SLIT2: variants seen among roughly 807,000 people sequenced by gnomAD.
SLIT2 encodes slit homolog 2 protein.
A neutral mutation model predicts 185.7 loss-of-function variants in SLIT2; 41 were observed. That is an observed-to-expected ratio of 0.22 (90% CI 0.17 to 0.29). The LOEUF (loss-of-function observed/expected upper bound fraction) is 0.29, where lower values mean the gene tolerates loss of function less well. SLIT2 is among the 10% of genes least tolerant of loss of function. The pLI, the probability that SLIT2 is intolerant of heterozygous loss-of-function variation, is 1.00. For synonymous variants in SLIT2, 693 were observed against 680.2 expected (o/e 1.02, Z -0.29); for missense variants, 1,571 against 1,909.0 (o/e 0.82, Z 3.30).
At chr4:20,366,769 A>G (rs1723147828) in intron 4 of SLIT2, among the ~76,000 whole-genome samples, 2 of 152,068 alleles carry the variant, frequency 1.3e-5, no homozygotes, top group South Asian at 4.2e-4. Context: ...AGATCATGCA[A>G]TAATATTTTA....
At chr4:20,464,657 A>G (rs1025195922) in intron 4 of SLIT2, among the ~76,000 whole-genome samples, 3 of 152,208 alleles carry the variant, frequency 2.0e-5, no homozygotes, top group Admixed American at 1.3e-4. Flanking sequence ...TCCACTGCAT[A>G]CGTTGTACCC....
intron 11 of SLIT2, among the ~76,000 whole-genome samples, chr4:20,516,402 A>G (rs1456726557): frequency 6.6e-6 from 1 of 152,190 alleles, no homozygotes; most frequent in Non-Finnish European, 1.5e-5. Context: ...GTCATGTATA[A>G]GAAACTGTAG....
intron 4 of SLIT2, among the ~76,000 whole-genome samples, chr4:20,385,966 A>G (rs999301064): frequency 6.6e-6 from 1 of 152,204 alleles, no homozygotes; most frequent in East Asian, 1.9e-4. Context: ...TTAGTAAAAT[A>G]TAACTTATCT....
At chr4:20,381,075 G>A (rs941400625) in intron 4 of SLIT2, among the ~76,000 whole-genome samples, 2 of 151,968 alleles carry the variant, frequency 1.3e-5, no homozygotes, top group African/African-American at 4.8e-5. Flanking sequence ...CCAACATGGC[G>A]AAACCCCGTC....
chr4:20,612,113 C>T (rs1271425342), intron 34 of SLIT2, among the ~76,000 whole-genome samples: 1 of 151,630 alleles, frequency 6.6e-6, no homozygotes, highest in African/African-American at 2.4e-5. Flanking sequence ...CATGGTGGCT[C>T]ACACCCATAA....
intron 4 of SLIT2, among the ~76,000 whole-genome samples, chr4:20,348,885 A>G (rs552216441): frequency 3.9e-5 from 6 of 152,318 alleles, no homozygotes; most frequent in African/African-American, 1.4e-4. Flanking sequence ...GAGAAGCCTC[A>G]TTGCATTTGT....
At chr4:20,399,516 C>T (rs1039854876) in intron 4 of SLIT2, among the ~76,000 whole-genome samples, 7 of 151,724 alleles carry the variant, frequency 4.6e-5, no homozygotes, top group African/African-American at 1.4e-4. Context: ...GTAAAGTGAT[C>T]GGAATAATAA....
chr4:20,548,522 A>G lies in SLIT2; in HGVS notation c.2380A>G (p.Asn794Asp), dbSNP rs772086861. ...LSNNRISTLSNQSFSNMTQLL... is the reference protein window; with the variant it reads ...LSNNRISTLSDQSFSNMTQLL... ...TAACAACAGAATAAGCACGCTTTCT[A>G]ATCAGAGCTTCAGCAACATGACCCA... Residue 794 changes from asparagine to aspartate, a missense_variant, in exon 23 of 37, where the codon AAT becomes GAT. Around this residue, in one of 3 missense-constraint regions of SLIT2, gnomAD observed 1,202 missense variants for 1,416.4 expected, o/e 0.85. Coordinates refer to ENST00000504154, the MANE Select transcript of SLIT2 (RefSeq NM_004787.4). 2.5e-6 allele frequency: 4 copies of G among 1,607,700 alleles called. No individual in the cohort carries two copies. The highest frequency in any genetic ancestry group is 1.3e-5 in the African/African-American group (1 of 74,880).
chr4:20,477,713 G>T (rs918220915), intron 5 of SLIT2, among the ~76,000 whole-genome samples: 10 of 152,312 alleles, frequency 6.6e-5, no homozygotes, highest in African/African-American at 2.2e-4. Context: ...AACCACTTAT[G>T]ATACTTCTGC....
chr4:20,603,942 C>T (rs554551117), intron 33 of SLIT2, among the ~76,000 whole-genome samples: 4 of 152,164 alleles, frequency 2.6e-5, no homozygotes, highest in Non-Finnish European at 5.9e-5. Flanking sequence ...GGAAAGTTCC[C>T]CCTGTTTACT....
At chr4:20,416,509 ATAAAACCCTC>A (rs1313168775) in intron 4 of SLIT2, among the ~76,000 whole-genome samples, 1 of 152,148 alleles carries the variant, frequency 6.6e-6, no homozygotes, top group African/African-American at 2.4e-5. Context: ...AATTTAATCC[ATAAAACCCTC>A]TTTTGTGTAA....
intron 17 of SLIT2, among the ~76,000 whole-genome samples, chr4:20,533,129 A>G (rs1721950714): frequency 1.3e-5 from 2 of 152,348 alleles, no homozygotes; most frequent in South Asian, 2.1e-4. Context: ...GAATAAACCC[A>G]TATTCAAATA....
chr4:20,586,860 C>T (rs985889687), intron 29 of SLIT2, among the ~76,000 whole-genome samples: 2 of 152,022 alleles, frequency 1.3e-5, no homozygotes, highest in South Asian at 2.1e-4. Context: ...AAACCATTAG[C>T]CCTGGCATGG....
chr4:20,383,267 C>T (rs2109347117), intron 4 of SLIT2, among the ~76,000 whole-genome samples: 1 of 152,164 alleles, frequency 6.6e-6, no homozygotes, highest in East Asian at 1.9e-4. Flanking sequence ...CTCCAAAAGA[C>T]ACAGGTTAAA....
At chr4:20,495,139 A>G (rs1718119490) in intron 9 of SLIT2, among the ~76,000 whole-genome samples, 2 of 152,198 alleles carry the variant, frequency 1.3e-5, no homozygotes, top group South Asian at 4.1e-4. Flanking sequence ...GCCACCTTTC[A>G]GACTGTAAAG....
chr4:20,537,684 G>A (rs769803335), intron 18 of SLIT2, among the ~76,000 whole-genome samples: 6 of 152,026 alleles, frequency 3.9e-5, no homozygotes, highest in Non-Finnish European at 7.4e-5. Context: ...GCGTCATAGA[G>A]CATTTTAGAA....
intron 3 of SLIT2, among the ~76,000 whole-genome samples, chr4:20,264,971 T>G (rs777517175): frequency 2.0e-5 from 3 of 151,962 alleles, no homozygotes; most frequent in African/African-American, 7.2e-5. Context: ...GTCTGTGCTC[T>G]CAACAATGAT....
intron 28 of SLIT2, among the ~76,000 whole-genome samples, chr4:20,568,254 A>G (rs1725268839): frequency 6.6e-6 from 1 of 152,092 alleles, no homozygotes; most frequent in Non-Finnish European, 1.5e-5. Flanking sequence ...TCACTGCTGC[A>G]TTCTATTATG....
intron 4 of SLIT2, among the ~76,000 whole-genome samples, chr4:20,337,221 G>A (rs765516289): frequency 3.2e-4 from 49 of 152,168 alleles, no homozygotes; most frequent in Non-Finnish European, 5.9e-4. Context: ...GTTCCCCGTG[G>A]CTGGGAAGGC....
Sources: allele counts gnomAD v4.1 joint callset (sites outside exome capture counted in the v4.1 genomes callset), GRCh38; gene constraint gnomAD v4.1.1; regional missense constraint gnomAD v4.1.1; transcripts MANE v1.5; gene names NCBI Gene and HGNC (gene_info 2026-07-23, HGNC 2026-07-21).